Variants in LIPF observed in about 807,000 individuals in gnomAD.
The protein encoded by LIPF is gastric triacylglycerol lipase.
Under a neutral mutation model 38.0 loss-of-function variants are expected in LIPF, and 25 were observed. That is an observed-to-expected ratio of 0.66 (90% CI 0.48 to 0.92). The LOEUF (loss-of-function observed/expected upper bound fraction) is 0.92, where lower values mean the gene tolerates loss of function less well. Ranked by LOEUF, LIPF falls within the 40% of genes least tolerant of loss-of-function variation. The pLI is 0.00. For synonymous variants in LIPF, 161 were observed against 156.2 expected, an observed-to-expected ratio of 1.03 and a Z score of -0.23; for missense variants, 410 against 469.9, an observed-to-expected ratio of 0.87 and a Z score of 1.18.
chr10:88,665,316 A>C (rs1046187137), intron 1 of LIPF, among the ~76,000 whole-genome samples: 6 of 147,998 alleles, frequency 4.1e-5, no homozygotes, highest in Non-Finnish European at 7.6e-5. Flanking sequence ...TTTTGTTATC[A>C]TAATGAATTC....
chr10:88,670,675 CAGAG>C (rs368963387), intron 5 of LIPF, among the ~76,000 whole-genome samples: 1 of 152,118 alleles, frequency 6.6e-6, no homozygotes, highest in Non-Finnish European at 1.5e-5. Flanking sequence ...GAGAAAGAGA[CAGAG>C]AGAGTGAGAG....
intron 4 of LIPF, chr10:88,669,395 C>T (rs1403569306): frequency 6.3e-6 from 1 of 159,930 alleles, no homozygotes; most frequent in Non-Finnish European, 1.4e-5. Flanking sequence ...TAGTGAGAGC[C>T]TTGGGCCTCA....
intron 9 of LIPF, among the ~76,000 whole-genome samples, chr10:88,678,043 C>G (rs1841713845): frequency 6.6e-6 from 1 of 152,132 alleles, no homozygotes; most frequent in Non-Finnish European, 1.5e-5. Context: ...CAATTAGAAT[C>G]TAATCAAATC....
intron 5 of LIPF, among the ~76,000 whole-genome samples, chr10:88,671,528 T>A (rs533119303): frequency 7.2e-5 from 11 of 152,258 alleles, no homozygotes; most frequent in African/African-American, 2.6e-4. Flanking sequence ...ATAAAGAAAT[T>A]CATAAAAAAA....
Position 88,676,253 on chromosome 10 carries a change from A to C in LIPF, c.933A>C (p.Pro311=). The stretch of plus-strand genomic sequence containing the variant: ...TCCAAGCTTATGACTGGGGAAGCCC[A>C]GTTCAGAATAGGATGCACTATGATC... ...GKFQAYDWGS[P]VQNRMHYDQS... Residue 311 remains proline (P), a synonymous_variant, in exon 9 of 10, where the codon CCA becomes CCC. Coordinates refer to ENST00000238983, the MANE Select transcript of LIPF (RefSeq NM_004190.4). 6.2e-7 allele frequency: 1 copy of C among 1,608,662 alleles called. No individual in the cohort carries two copies. Among genetic ancestry groups the C allele is most frequent in the Non-Finnish European group, 8.5e-7 (1 of 1,176,086 alleles).
chr10:88,678,686 G>C lies in LIPF; in HGVS notation c.*5G>C, dbSNP rs373062341. 1.3e-6 allele frequency: 2 copies of C among 1,562,178 alleles called. No individual in the cohort carries two copies. The highest frequency in any genetic ancestry group is 1.8e-6 in the Non-Finnish European group (2 of 1,133,548). On this transcript the variant is annotated 3_prime_UTR_variant, in exon 10 of 10. Transcript: ENST00000238983. ...ATATCAGAAGATAAAAAGTAGTTCT[G>C]GATTTAAAGAATTATCCGTTTGTTT...
intron 1 of LIPF, among the ~76,000 whole-genome samples, chr10:88,664,827 G>A (rs1373093908): frequency 1.3e-5 from 2 of 152,080 alleles, no homozygotes; most frequent in African/African-American, 4.8e-5. Flanking sequence ...TTTTTGAGAA[G>A]GAATAGATCA....
At chr10:88,673,928 C>G (rs1378152741) in intron 7 of LIPF, among the ~76,000 whole-genome samples, 194 bp downstream of exon 7, 1 of 152,110 alleles carries the variant, frequency 6.6e-6, no homozygotes, top group Admixed American at 6.5e-5. Context: ...CCAGTTGCCC[C>G]TAAACCAAAT....
At chr10:88,668,399 G>A (rs1564957374) in intron 3 of LIPF, among the ~76,000 whole-genome samples, 159 bp from the exon 4 acceptor site, 1 of 152,074 alleles carries the variant, frequency 6.6e-6, no homozygotes, top group Non-Finnish European at 1.5e-5. Context: ...TCAACTCCCT[G>A]AGAAATCATC....
chr10:88,675,421 C>T (rs773102542), intron 7 of LIPF, 165 bp from the exon 8 acceptor site: 10 of 587,776 alleles, frequency 1.7e-5, no homozygotes, highest in Non-Finnish European at 3.0e-5. Flanking sequence ...TGCAATTGCA[C>T]TTTGCAAATT....
chr10:88,675,072 T>C (rs980424709), intron 7 of LIPF, among the ~76,000 whole-genome samples: 4 of 152,204 alleles, frequency 2.6e-5, no homozygotes, highest in African/African-American at 4.8e-5. Context: ...AGATGGCCAA[T>C]TTGTTTCACT....
At position 88,678,739 on chromosome 10, in the gene LIPF, T is replaced by C. The variant is rs2234967; in HGVS notation, c.*58T>C. On this transcript the variant is annotated 3_prime_UTR_variant, in exon 10 of 10. Transcript: ENST00000238983. ...CCAAAATACTTTATTCTCTCATACA[T>C]AGTATTTTCATAATGTTTGACATGC... 7.0e-6 allele frequency: 8 copies of C among 1,148,750 alleles called. No homozygotes were observed. Among genetic ancestry groups the C allele is most frequent in the Admixed American group, 5.7e-5 (3 of 52,680 alleles). The allele number at this position is 1,148,750 out of a possible 1,614,324, so 71.2% of individuals were successfully genotyped here. A position where few individuals can be genotyped will look rare whatever the true frequency, so the allele number is the denominator to read the frequency against.
At chr10:88,671,683 T>C (rs1841598354) in intron 5 of LIPF, 146 bp from the exon 6 acceptor site, 1 of 1,035,932 alleles carries the variant, frequency 9.7e-7, no homozygotes, top group Non-Finnish European at 1.4e-6. Context: ...ATCTAATCAC[T>C]GAGCCAGCAG....
intron 7 of LIPF, among the ~76,000 whole-genome samples, chr10:88,674,196 A>G (rs1312129809): frequency 2.5e-5 from 3 of 117,774 alleles, no homozygotes; most frequent in South Asian, 4.7e-4. Flanking sequence ...TTTGAGATAG[A>G]GTCTCGCTGT....
intron 1 of LIPF, among the ~76,000 whole-genome samples, chr10:88,665,761 T>TGTTTTTTTTTTTTC (rs1841503315): frequency 7.6e-6 from 1 of 130,982 alleles, no homozygotes; most frequent in Admixed American, 7.5e-5. Context: ...TTTTTTTTTT[T>TGTTTTTTTTTTTTC]GAGACGGAGT....
At chr10:88,675,746 A>C in intron 8 of LIPF, 89 bp downstream of exon 8, 1 of 883,036 alleles carries the variant, frequency 1.1e-6, no homozygotes, top group Non-Finnish European at 1.8e-6. Context: ...TATCCTGCTG[A>C]GTACACCTGG....
intron 9 of LIPF, among the ~76,000 whole-genome samples, chr10:88,677,672 G>T (rs1343418605): frequency 6.6e-6 from 1 of 152,054 alleles, no homozygotes; most frequent in Non-Finnish European, 1.5e-5. Context: ...GAAACTTTTA[G>T]TATATTGGAT....
At chr10:88,673,073 G>A (rs1460313985) in intron 6 of LIPF, among the ~76,000 whole-genome samples, 2 of 152,030 alleles carry the variant, frequency 1.3e-5, no homozygotes, top group African/African-American at 2.4e-5. Flanking sequence ...ATGTTTCCTC[G>A]TGTATAAAAT....
intron 7 of LIPF, among the ~76,000 whole-genome samples, chr10:88,674,468 G>A (rs1841655372): frequency 6.6e-6 from 1 of 152,112 alleles, no homozygotes; most frequent in Non-Finnish European, 1.5e-5. Flanking sequence ...ACGCCCGGCT[G>A]ACTTTGCCCA....
Sources: gnomAD v4.1 joint callset for allele counts (sites outside exome capture counted in the v4.1 genomes callset) on GRCh38, gnomAD v4.1.1 for gene constraint, MANE v1.5 for transcripts, NCBI Gene and HGNC (gene_info 2026-07-23, HGNC 2026-07-21) for gene names.